The following SPTAN1 variants were observed in gnomAD, a reference collection of about 807,000 sequenced individuals.
The protein encoded by SPTAN1 is spectrin alpha, non-erythrocytic 1, also known as spectrin alpha chain, non-erythrocytic 1.
A neutral mutation model predicts 331.3 loss-of-function variants in SPTAN1; 61 were observed. The observed-to-expected ratio is 0.18, with a 90% confidence interval of 0.15 to 0.23. The LOEUF (loss-of-function observed/expected upper bound fraction) is 0.23. Among genes scored for constraint, SPTAN1 ranks in the 10% least tolerant of loss-of-function variants. SPTAN1 has a pLI of 1.00. For missense variants in SPTAN1, 2,043 were observed against 3,147.9 expected, an observed-to-expected ratio of 0.65 and a Z score of 8.40; for synonymous variants, 1,153 against 1,173.9, an observed-to-expected ratio of 0.98 and a Z score of 0.36.
intron 1 of SPTAN1, among the ~76,000 whole-genome samples, chr9:128,558,646 A>C (rs1848933897): frequency 6.6e-6 from 1 of 152,154 alleles, no homozygotes. Context: ...TGGTGCTCTC[A>C]AAAGGCGTTA....
chr9:128,581,671 TA>T, intron 11 of SPTAN1, 110 bp from the exon 12 acceptor site: 2 of 850,282 alleles, frequency 2.4e-6, no homozygotes, highest in Non-Finnish European at 4.1e-6. Flanking sequence ...TTAGCAGCCA[TA>T]AAATCTCTTT....
chr9:128,628,056 C>T (rs1390403424), intron 51 of SPTAN1, 114 bp downstream of exon 51: 2 of 1,290,138 alleles, frequency 1.6e-6, no homozygotes, highest in Non-Finnish European at 2.3e-6. Flanking sequence ...CCAGGGCGGG[C>T]TGCACTTCCC....
intron 1 of SPTAN1, among the ~76,000 whole-genome samples, chr9:128,564,955 A>G (rs920890850): frequency 6.6e-6 from 1 of 152,326 alleles, no homozygotes; most frequent in South Asian, 2.1e-4. Flanking sequence ...CCAGGCAGGC[A>G]TGTTGGGCCA....
Position 128,629,479 on chromosome 9 carries a change from G to A in SPTAN1, c.6708-842G>A, listed in dbSNP as rs1472479901. ...GAGATTGCAGAGCTAACCCTGGCTC[G>A]CCGGGTTTTAAAAGGGTAGGTTGGG... On this transcript the variant is annotated intron_variant, in intron 51 of 56. Transcript: ENST00000372739. The surrounding 1 kb of genome is among the most constrained non-coding windows in gnomAD (Gnocchi z 4.9). Among the ~76,000 whole-genome samples the A allele has an allele frequency of 1.3e-5, 2 of 152,120 alleles. No homozygotes were observed. The highest frequency in any genetic ancestry group is 2.4e-5 in the African/African-American group (1 of 41,440).
intron 41 of SPTAN1, among the ~76,000 whole-genome samples, chr9:128,617,026 C>T (rs1222097451): frequency 6.6e-6 from 1 of 151,824 alleles, no homozygotes; most frequent in Non-Finnish European, 1.5e-5. Context: ...TCACTTGAAT[C>T]CAAGAGTTTG....
intron 46 of SPTAN1, chr9:128,624,752 C>T: frequency 3.5e-6 from 2 of 569,738 alleles, no homozygotes; most frequent in East Asian, 6.1e-5. Flanking sequence ...AATGTGACGT[C>T]ATGGCATGAA....
In SPTAN1 at chr9:128,614,004, C is replaced by CA. The variant is rs879679258; in HGVS notation, c.5148+534dup. On this transcript the variant is annotated intron_variant, in intron 40 of 56. Coordinates refer to ENST00000372739, the MANE Select transcript of SPTAN1 (RefSeq NM_001130438.3). ...TAGGCAACAGAGCAAGACTCCATCT[C>CA]AAAAAAAAAAAAAAATGCTGAATTC... Among the ~76,000 whole-genome samples, 859 of 113,812 alleles carry CA rather than the reference C, an allele frequency of 7.5e-3. 3 individuals are homozygous for CA. The highest frequency in any genetic ancestry group is 0.017 in the African/African-American group (517 of 30,280). 74.7% of individuals were successfully genotyped at this position (113,812 alleles called of 152,430 possible).
rs1264947013 is a variant in SPTAN1, at chr9:128,584,348, A to G, written c.2260A>G (p.Asn754Asp). 6.2e-7 allele frequency: 1 copy of G among 1,614,216 alleles called. No homozygotes were observed. ...AGATGCTGGCCATTTTGATGCAGAA[A>G]ACATCAAGAAGAAACAGGAAGCCCT... ...FQDAGHFDAE[N>D]IKKKQEALVA... The change falls in exon 17 of 57, where the codon AAC (asparagine) becomes GAC (aspartate). Residue 754 changes from asparagine to aspartate, a missense_variant. This residue lies in a region of SPTAN1 where 1,038 missense variants were observed against 1,531.5 expected (regional missense o/e 0.68). Transcript: ENST00000372739.
At chr9:128,566,020 T>C (rs1849993759) in intron 1 of SPTAN1, among the ~76,000 whole-genome samples, 1 of 152,200 alleles carries the variant, frequency 6.6e-6, no homozygotes, top group African/African-American at 2.4e-5. Flanking sequence ...TCTGTATCTG[T>C]TTCCTTCTGT....
At chr9:128,615,970 G>C (rs186245014) in intron 41 of SPTAN1, 130 bp downstream of exon 41, 17 of 953,796 alleles carry the variant, frequency 1.8e-5, no homozygotes, top group Non-Finnish European at 2.8e-5. Context: ...GCACACAGTC[G>C]TGGGATGCCT....
At chr9:128,579,520 T>C (rs781277719) in intron 9 of SPTAN1, 117 bp from the exon 10 acceptor site, 2 of 780,796 alleles carry the variant, frequency 2.6e-6, no homozygotes, top group Non-Finnish European at 2.2e-6. Flanking sequence ...TCTTTCATTT[T>C]GTTTCTCATT....
intron 1 of SPTAN1, among the ~76,000 whole-genome samples, chr9:128,562,703 A>G (rs2132838911): frequency 2.5e-4 from 2 of 8,000 alleles, no homozygotes; most frequent in Middle Eastern, 0.25. Context: ...GCCTGTTATC[A>G]TTAAATATTA....
chr9:128,633,422 G>A lies in SPTAN1; in HGVS notation c.*88G>A, dbSNP rs970264304. ...CCTCTGTGTGCTCTCACTTTCCACT[G>A]TAACCTTAAGCCTGCTTAGCTTGGA... On this transcript the variant is annotated 3_prime_UTR_variant, in exon 57 of 57. Coordinates refer to ENST00000372739, the MANE Select transcript of SPTAN1 (RefSeq NM_001130438.3). The A allele has an allele frequency of 1.4e-5, 22 of 1,595,688 alleles. No homozygotes were observed. Among genetic ancestry groups the A allele is most frequent in the Non-Finnish European group, 1.8e-5 (21 of 1,169,514 alleles).
intron 45 of SPTAN1, chr9:128,621,560 T>C (rs1857861753): frequency 2.1e-6 from 1 of 468,798 alleles, no homozygotes; most frequent in African/African-American, 2.0e-5. Context: ...CAGTAGAAAA[T>C]GCAAATAAGC....
At position 128,594,115 on chromosome 9, in the gene SPTAN1, T is replaced by G. The variant is rs539584638; in HGVS notation, c.3216-60T>G. ...AGACACCTCGTGGTTTGCCTTTATG[T>G]TAGCATCTACAGCTAACTGCCTTCC... On this transcript the variant is annotated intron_variant, in intron 23 of 56. Transcript: ENST00000372739. 5.5e-5 allele frequency: 87 copies of G among 1,571,852 alleles called. No homozygotes were observed. The African/African-American group carries it at 1.1e-3, about 20-fold the overall frequency.
At position 128,608,345 on chromosome 9, in the gene SPTAN1, T is replaced by C. The variant is rs1856160859; in HGVS notation, c.4491+69T>C. The stretch of plus-strand genomic sequence containing the variant: ...ATTGACATCTGTTTCTTGGCTTATA[T>C]AGTCACTGTTATATCTCCAAGGAAT... On this transcript the variant is annotated intron_variant, in intron 34 of 56. Coordinates refer to ENST00000372739, the MANE Select transcript of SPTAN1 (RefSeq NM_001130438.3). 4 of 1,589,038 alleles carry C rather than the reference T, an allele frequency of 2.5e-6. No individual in the cohort carries two copies. In the East Asian group the frequency reaches 8.9e-5, roughly 35 times the overall value.
intron 3 of SPTAN1, among the ~76,000 whole-genome samples, chr9:128,572,563 T>G (rs10739725): frequency 0.97 from 147,463 of 152,306 alleles, 71,548 homozygotes; most frequent in Non-Finnish European, 1. Context: ...TGTGGCCTCA[T>G]TTTTAATTTG....
At chr9:128,594,989 T>C (rs533790008) in intron 24 of SPTAN1, among the ~76,000 whole-genome samples, 1 of 151,688 alleles carries the variant, frequency 6.6e-6, no homozygotes, top group Non-Finnish European at 1.5e-5. Context: ...TTTGTATTTT[T>C]AGTAGAGATG....
chr9:128,563,496 A>G (rs1849653887), intron 1 of SPTAN1, among the ~76,000 whole-genome samples: 1 of 152,224 alleles, frequency 6.6e-6, no homozygotes, highest in Admixed American at 6.5e-5. Context: ...AGATTTAGTC[A>G]TTAGGTTGAC....
Sources: gnomAD v4.1 joint callset for allele counts (sites outside exome capture counted in the v4.1 genomes callset) on GRCh38, gnomAD v4.1.1 for gene constraint, gnomAD v4.1.1 regional missense constraint, Gnocchi (gnomAD v3.1) non-coding constraint, MANE v1.5 for transcripts, NCBI Gene and HGNC (gene_info 2026-07-23, HGNC 2026-07-21) for gene names.